STAM: variants seen among roughly 807,000 people sequenced by gnomAD.
The protein encoded by STAM is signal transducing adaptor molecule, also known as signal transducing adapter molecule 1.
Under a neutral mutation model 63.4 loss-of-function variants are expected in STAM, and 16 were observed. That is an observed-to-expected ratio of 0.25 (90% CI 0.17 to 0.38). The LOEUF (loss-of-function observed/expected upper bound fraction) is 0.38, where lower values mean the gene tolerates loss of function less well. Ranked by LOEUF, STAM falls within the 10% of genes least tolerant of loss-of-function variation. The probability of loss-of-function intolerance (pLI) is 1.00; values close to 1 mark genes in which losing one functional copy is unlikely to be tolerated. For missense variants in STAM, 636 were observed against 657.1 expected (o/e 0.97, Z 0.35); for synonymous variants, 238 against 223.9 (o/e 1.06, Z -0.56).
chr10:17,671,043 G>A (rs782405314), intron 2 of STAM, among the ~76,000 whole-genome samples: 5 of 152,192 alleles, frequency 3.3e-5, no homozygotes, highest in Non-Finnish European at 7.4e-5. Context: ...GCTCTACTCA[G>A]TATTCAAGGA....
chr10:17,686,323 A>AT (rs1326739012), intron 4 of STAM, among the ~76,000 whole-genome samples: 5 of 149,904 alleles, frequency 3.3e-5, no homozygotes, highest in African/African-American at 9.9e-5. Flanking sequence ...ACTTCTCTTT[A>AT]TTTTCTGAAT....
chr10:17,658,239 T>C (rs187134348), intron 1 of STAM, among the ~76,000 whole-genome samples: 1 of 152,276 alleles, frequency 6.6e-6, no homozygotes, highest in African/African-American at 2.4e-5. Flanking sequence ...AGTCTCCATG[T>C]ACTTTGGGAT....
intron 4 of STAM, among the ~76,000 whole-genome samples, chr10:17,685,405 A>G (rs1292768761): frequency 1.3e-5 from 2 of 152,194 alleles, no homozygotes; most frequent in Non-Finnish European, 2.9e-5. Flanking sequence ...AGTTGCCTCA[A>G]AAGTGGTGGC....
intron 2 of STAM, among the ~76,000 whole-genome samples, chr10:17,670,527 T>C (rs560728587): frequency 2.6e-5 from 4 of 152,328 alleles, no homozygotes; most frequent in African/African-American, 9.6e-5. Flanking sequence ...ATTAAAGTTT[T>C]TGGTGATTCC....
intron 9 of STAM, among the ~76,000 whole-genome samples, chr10:17,700,572 C>T (rs574590982): frequency 6.8e-6 from 1 of 147,850 alleles, no homozygotes; most frequent in Non-Finnish European, 1.5e-5. Flanking sequence ...ACAGTTTTTA[C>T]AGTGTAGTAG....
At chr10:17,663,298 T>C (rs904751520) in intron 2 of STAM, among the ~76,000 whole-genome samples, 1 of 152,152 alleles carries the variant, frequency 6.6e-6, no homozygotes, top group African/African-American at 2.4e-5. Context: ...ATTTTTTGTC[T>C]TTTTGTTTTT....
chr10:17,682,980 T>C (rs1283269304), intron 2 of STAM, among the ~76,000 whole-genome samples: 1 of 152,238 alleles, frequency 6.6e-6, no homozygotes. Flanking sequence ...TATTATGTAC[T>C]GTCTCTCTTT....
At chr10:17,708,614 GA>G (rs1415668105) in intron 12 of STAM, among the ~76,000 whole-genome samples, 161 bp from the exon 13 acceptor site, 4 of 152,274 alleles carry the variant, frequency 2.6e-5, no homozygotes, top group Non-Finnish European at 5.9e-5. Flanking sequence ...CTATTTCATT[GA>G]AAAGCGTTTT....
chr10:17,712,495 T>C (rs1391384235), intron 13 of STAM, among the ~76,000 whole-genome samples: 1 of 152,250 alleles, frequency 6.6e-6, no homozygotes. Context: ...TCTCTTATAA[T>C]AAATTACCAT....
chr10:17,653,263 A>G (rs1833809956), intron 1 of STAM, among the ~76,000 whole-genome samples: 1 of 152,234 alleles, frequency 6.6e-6, no homozygotes, highest in African/African-American at 2.4e-5. Context: ...ATCGAAACCT[A>G]CACTGAAAAA....
intron 4 of STAM, among the ~76,000 whole-genome samples, chr10:17,687,081 A>G (rs1416407094): frequency 6.6e-6 from 1 of 152,004 alleles, no homozygotes; most frequent in Non-Finnish European, 1.5e-5. Context: ...TATTTTGAAA[A>G]CTCACTACAT....
chr10:17,671,413 A>G (rs537932598), intron 2 of STAM, among the ~76,000 whole-genome samples: 1 of 152,348 alleles, frequency 6.6e-6, no homozygotes, highest in South Asian at 2.1e-4. Context: ...GGAGTTTTGT[A>G]TTAACATTCT....
At chr10:17,682,729 G>T (rs1407169687) in intron 2 of STAM, among the ~76,000 whole-genome samples, 2 of 152,116 alleles carry the variant, frequency 1.3e-5, no homozygotes, top group Non-Finnish European at 2.9e-5. Flanking sequence ...GCCATGGGTG[G>T]GTGGATTGTT....
chr10:17,649,746 C>T (rs1298224632), intron 1 of STAM, among the ~76,000 whole-genome samples: 1 of 152,080 alleles, frequency 6.6e-6, no homozygotes, highest in African/African-American at 2.4e-5. Context: ...GCTCTTCATT[C>T]ATTATTTGGT....
chr10:17,651,480 G>C (rs1234174380), intron 1 of STAM, among the ~76,000 whole-genome samples: 5 of 152,180 alleles, frequency 3.3e-5, no homozygotes, highest in Admixed American at 3.3e-4. Flanking sequence ...TGAAAATTCA[G>C]AATACAAGTA....
chr10:17,706,300 T>C (rs1020930445), intron 12 of STAM, among the ~76,000 whole-genome samples: 4 of 150,966 alleles, frequency 2.6e-5, no homozygotes, highest in Non-Finnish European at 5.9e-5. Flanking sequence ...CATCACACTT[T>C]TGAAAAAAAT....
chr10:17,669,887 T>TTC (rs1554823868), intron 2 of STAM, among the ~76,000 whole-genome samples: 43 of 146,608 alleles, frequency 2.9e-4, no homozygotes, highest in African/African-American at 1.0e-3. Flanking sequence ...TTCTTTTCTT[T>TTC]TTTTTTTTTT....
chr10:17,710,490 T>C (rs540470281), intron 13 of STAM, among the ~76,000 whole-genome samples: 1 of 152,360 alleles, frequency 6.6e-6, no homozygotes, highest in Admixed American at 6.5e-5. Context: ...TCTTGAAATA[T>C]TTAGCCCTCT....
chr10:17,699,388 T>G (rs1418554776), intron 8 of STAM, among the ~76,000 whole-genome samples: 1 of 152,228 alleles, frequency 6.6e-6, no homozygotes, highest in African/African-American at 2.4e-5. Flanking sequence ...ACCACATTGA[T>G]GCAAGGATTA....
Sources: allele counts gnomAD v4.1 joint callset (sites outside exome capture counted in the v4.1 genomes callset), GRCh38; gene constraint gnomAD v4.1.1; transcripts MANE v1.5; gene names NCBI Gene and HGNC (gene_info 2026-07-23, HGNC 2026-07-21).